DHX38: variants seen among roughly 807,000 people sequenced by gnomAD.
DHX38 encodes DEAH-box helicase 38, also known as pre-mRNA-splicing factor ATP-dependent RNA helicase PRP16.
Under a neutral mutation model 153.1 loss-of-function variants are expected in DHX38, and 100 were observed. The ratio of observed to expected loss-of-function variants is 0.65; its 90% CI spans 0.56 to 0.77. DHX38 has a LOEUF of 0.77. Among genes scored for constraint, DHX38 ranks in the 30% least tolerant of loss-of-function variants. DHX38 has a pLI of 0.00. For missense variants in DHX38, 1,440 were observed against 1,654.0 expected (o/e 0.87, Z 2.24); for synonymous variants, 650 against 631.7 (o/e 1.03, Z -0.43).
At position 72,099,274 on chromosome 16, in the gene DHX38, C is replaced by A. The variant is rs746035585; in HGVS notation, c.954C>A (p.Asp318Glu). ...AGGAGCGGCAGCAGTGGGAAGATGA[C>A]CAGAGGGTAAAGTTTTATACCTCTG... The part of the protein sequence containing the change: ...TEEERQQWED[D>E]QRQADRDWYM... The change falls in exon 7 of 27, where the codon GAC becomes GAA. Residue 318 changes from aspartate (D) to glutamate (E), a missense_variant. Asp to Glu is a conservative substitution (Grantham distance 45). Transcript: ENST00000268482. 1 of 1,610,620 alleles carries A rather than the reference C, an allele frequency of 6.2e-7. No homozygotes were observed.
At chr16:72,099,330 A>C (rs1030574285) in intron 7 of DHX38, 50 bp downstream of exon 7, 2 of 1,500,808 alleles carry the variant, frequency 1.3e-6, no homozygotes, top group Admixed American at 2.0e-5. Flanking sequence ...GGCCGTCTGT[A>C]GATGGGTGAC....
intron 2 of DHX38, 129 bp downstream of exon 2, chr16:72,096,609 C>T (rs1327628543): frequency 8.8e-6 from 13 of 1,472,508 alleles, no homozygotes; most frequent in East Asian, 2.3e-5. Flanking sequence ...TTCTGTAATA[C>T]TGAAGGTAGG....
rs773525208 is a variant in DHX38, at chr16:72,105,583, G to A, written c.2446G>A (p.Gly816Ser). ...NIAETSLTVDGIMFVIDSGYC... is the reference protein window; with the variant it reads ...NIAETSLTVDSIMFVIDSGYC... ...TGCCGAGACGTCTCTCACTGTTGAC[G>A]GCATCATGTTTGTTATCGATTCTGG... The change falls in exon 18 of 27, where the codon GGC (glycine) becomes AGC (serine). Residue 816 changes from glycine to serine, a missense_variant. This residue lies in a region of DHX38 where 543 missense variants were observed against 717.9 expected (regional missense o/e 0.76). Transcript: ENST00000268482. The A allele has an allele frequency of 1.4e-5, 22 of 1,614,064 alleles. No individual in the cohort carries two copies. Among genetic ancestry groups the A allele is most frequent in the Admixed American group, 3.3e-5 (2 of 60,002 alleles).
rs1340636630 is a variant in DHX38 at position 72,107,836 on chromosome 16, T to C, written c.2964+37T>C. 1.2e-6 allele frequency: 2 copies of C among 1,603,766 alleles called. No individual in the cohort carries two copies. The highest frequency in any genetic ancestry group is 1.7e-5 in the Admixed American group (1 of 59,776). Reference sequence around the variant, plus strand: ...GCTGGCTCCCCTCTCCCCGGAGGGCTCGAGGAAGTGTTGGGGAGGGGAATG... The same window carrying C: ...GCTGGCTCCCCTCTCCCCGGAGGGCCCGAGGAAGTGTTGGGGAGGGGAATG... On this transcript the variant is annotated intron_variant, in intron 21 of 26. Coordinates refer to ENST00000268482, the MANE Select transcript of DHX38 (RefSeq NM_014003.4). This position sits in a 1 kb window ranked among gnomAD's most constrained non-coding sequence, Gnocchi z 5.3.
At position 72,103,918 on chromosome 16, in the gene DHX38, G is replaced by A. The variant is rs767079669; in HGVS notation, c.1825-28G>A. The A allele has an allele frequency of 1.5e-5, 24 of 1,610,686 alleles. No homozygotes were observed. In the South Asian group the frequency reaches 2.1e-4, roughly 14 times the overall value. Reference sequence around the variant, plus strand: ...TGCTGGTGGTGAGCCGGTGGCCAGGGCATCTGAGCCATCTCTCTGACCTCC... The same window carrying A: ...TGCTGGTGGTGAGCCGGTGGCCAGGACATCTGAGCCATCTCTCTGACCTCC... On this transcript the variant is annotated intron_variant, in intron 13 of 26. Transcript: ENST00000268482.
Position 72,104,669 on chromosome 16 carries a change from G to A in DHX38, c.2151+43G>A, listed in dbSNP as rs756477422. ...TTACGAACTGACCCTTCCATGCCAC[G>A]CACTTCTCTGATGCGAAGCCGGCTG... On this transcript the variant is annotated intron_variant, in intron 15 of 26. Transcript: ENST00000268482. The surrounding 1 kb of genome is among the most constrained non-coding windows in gnomAD (Gnocchi z 4.5). The A allele has an allele frequency of 9.3e-6, 15 of 1,611,800 alleles. 1 individual carries two copies. Among genetic ancestry groups the A allele is most frequent in the South Asian group, 8.8e-5 (8 of 91,024 alleles).
At position 72,099,774 on chromosome 16, in the gene DHX38, G is replaced by A. The variant is rs2042074147; in HGVS notation, c.1003G>A (p.Glu335Lys). ...GTACATGATGGACGAGGGCTATGACGAGTTCCACAACCCGCTGGCCTACTC... is the reference window on the plus strand; with the variant it reads ...GTACATGATGGACGAGGGCTATGACAAGTTCCACAACCCGCTGGCCTACTC... ...DWYMMDEGYD[E>K]FHNPLAYSSE... The change falls in exon 8 of 27, where the codon GAG becomes AAG. Residue 335 changes from glutamate (E) to lysine (K), a missense_variant. Glu to Lys is a moderately conservative substitution (Grantham distance 56). This residue lies in a region of DHX38 where 483 missense variants were observed against 465.1 expected (regional missense o/e 1.04). Transcript: ENST00000268482. 5 of 1,614,192 alleles carry A rather than the reference G, an allele frequency of 3.1e-6. No individual in the cohort carries two copies. The South Asian group carries it at 3.3e-5, about 11-fold the overall frequency.
rs775609494 is a variant in DHX38, at chr16:72,104,005, G to A, written c.1884G>A (p.Met628Ile). ...CAGAGAACACCTTGATCAAATACATGACTGACGGGATCCTGCTCCGAGAGT... is the reference window on the plus strand; with the variant it reads ...CAGAGAACACCTTGATCAAATACATAACTGACGGGATCCTGCTCCGAGAGT... ...CTSENTLIKY[M>I]TDGILLRESL... The change falls in exon 14 of 27, where the codon ATG (methionine) becomes ATA (isoleucine). Residue 628 changes from methionine (M) to isoleucine (I), a missense_variant. Transcript: ENST00000268482. The surrounding 1 kb of genome is among the most constrained non-coding windows in gnomAD (Gnocchi z 4.5). 1.2e-6 allele frequency: 2 copies of A among 1,614,136 alleles called. No individual in the cohort carries two copies. The highest frequency in any genetic ancestry group is 8.5e-7 in the Non-Finnish European group (1 of 1,180,024).
Position 72,112,480 on chromosome 16 carries a change from G to A in DHX38, c.3667G>A (p.Ala1223Thr), listed in dbSNP as rs1462749544. ...GEPMTPRRTP[A>T]RFGL ...GCCCATGACCCCTCGCCGCACGCCA[G>A]CCCGCTTTGGTCTGTGAGCTGAGGC... Residue 1223 changes from alanine to threonine, a missense_variant, in exon 27 of 27, where the codon GCC becomes ACC. Physicochemically the swap from Ala to Thr is moderately conservative, Grantham distance 58. Coordinates refer to ENST00000268482, the MANE Select transcript of DHX38 (RefSeq NM_014003.4). The A allele has an allele frequency of 6.2e-7, 1 of 1,612,164 alleles. No individual in the cohort carries two copies. The highest frequency in any genetic ancestry group is 1.1e-5 in the South Asian group (1 of 91,086).
At chr16:72,099,134 C>T in intron 6 of DHX38, 70 bp from the exon 7 acceptor site, 2 of 1,595,154 alleles carry the variant, frequency 1.3e-6, no homozygotes, top group Non-Finnish European at 1.7e-6. Flanking sequence ...CTGCATGGCC[C>T]TGCAGATCTG....
rs777969746 is a variant in DHX38 at position 72,106,057 on chromosome 16, A to G, written c.2540A>G (p.Gln847Arg). Residue 847 changes from glutamine (Q) to arginine (R), a missense_variant, in exon 19 of 27, where the codon CAG (glutamine) becomes CGG (arginine). By Grantham distance (43) the Gln-to-Arg change is conservative. Transcript: ENST00000268482. ...MDALQIYPISQANANQRSGRA... is the reference protein window; with the variant it reads ...MDALQIYPISRANANQRSGRA... ...GCTCTGCAGATCTATCCCATTAGCC[A>G]GGCCAATGCCAACCAGCGGTCAGGG... The G allele has an allele frequency of 6.2e-7, 1 of 1,614,234 alleles. No homozygotes were observed. The highest frequency in any genetic ancestry group is 1.7e-5 in the Admixed American group (1 of 60,034).
chr16:72,105,812 A>G (rs1253285483), intron 18 of DHX38, among the ~76,000 whole-genome samples, 188 bp downstream of exon 18: 3 of 152,144 alleles, frequency 2.0e-5, no homozygotes, highest in Non-Finnish European at 4.4e-5. Context: ...TCGATGAGGT[A>G]GATAATTTAA....
At chr16:72,099,426 C>CGGCA in intron 7 of DHX38, 146 bp downstream of exon 7, 1 of 775,364 alleles carries the variant, frequency 1.3e-6, no homozygotes, top group Non-Finnish European at 2.0e-6. Context: ...GAGGCATAGA[C>CGGCA]GGCACGGTGA....
At chr16:72,101,037 C>A (rs753286650) in intron 9 of DHX38, 49 bp from the exon 10 acceptor site, 1 of 1,563,924 alleles carries the variant, frequency 6.4e-7, no homozygotes, top group Non-Finnish European at 8.8e-7. Flanking sequence ...ATGAACATGG[C>A]CTTCTTGCTG....
At position 72,108,568 on chromosome 16, in the gene DHX38, C is replaced by T. The variant is rs764530124; in HGVS notation, c.3216C>T (p.Cys1072=). The T allele has an allele frequency of 1.4e-5, 23 of 1,614,022 alleles. No homozygotes were observed. The Admixed American group carries it at 3.5e-4, about 25-fold the overall frequency. The change falls in exon 23 of 27, where the codon TGC becomes TGT. Residue 1072 remains cysteine (C), a synonymous_variant. Coordinates refer to ENST00000268482, the MANE Select transcript of DHX38 (RefSeq NM_014003.4). ...CTGACTGGGACATCGTCAGGAAGTG[C>T]ATCTGTGCTGCCTATTTCCACCAAG... is the stretch of plus-strand genomic sequence containing the variant. ...CGTDWDIVRK[C]ICAAYFHQAA... is the part of the protein sequence containing the mutation.
In DHX38 at chr16:72,098,633, T is replaced by C; in HGVS notation, c.617-12T>C. ...TGAGATGTTTCCTGTGGATGTGTCT[T>C]TTGTGGCCCAGATGCAGCCACCCCT... is the stretch of plus-strand genomic sequence containing the variant. On this transcript the variant is annotated splice_polypyrimidine_tract_variant and intron_variant, in intron 4 of 26. Coordinates refer to ENST00000268482, the MANE Select transcript of DHX38 (RefSeq NM_014003.4). 6.2e-7 allele frequency: 1 copy of C among 1,613,274 alleles called. No homozygotes were observed. The highest frequency in any genetic ancestry group is 8.5e-7 in the Non-Finnish European group (1 of 1,179,332).
chr16:72,112,852 G>A lies in DHX38; in HGVS notation c.*355G>A, dbSNP rs1264451824. The A allele has an allele frequency of 5.7e-6, 4 of 701,490 alleles. No individual in the cohort carries two copies. The Admixed American group carries it at 8.0e-5, about 14-fold the overall frequency. The allele number at this position is 701,490 out of a possible 1,614,324, so 43.5% of individuals were successfully genotyped here. A position where few individuals can be genotyped will look rare whatever the true frequency, so the allele number is the denominator to read the frequency against. On this transcript the variant is annotated 3_prime_UTR_variant, in exon 27 of 27. Transcript: ENST00000268482. ...GTAAAGCAGCAAAAAAGACCTAAAG[G>A]GAATTGTAATTTGGTTATAATTCAG...
At position 72,096,317 on chromosome 16, in the gene DHX38, C is replaced by A. The variant is rs1161507548; in HGVS notation, c.160C>A (p.Leu54Met). 1.2e-6 allele frequency: 2 copies of A among 1,614,182 alleles called. No individual in the cohort carries two copies. The highest frequency in any genetic ancestry group is 1.7e-6 in the Non-Finnish European group (2 of 1,180,016). The change falls in exon 2 of 27, where the codon CTG becomes ATG. Residue 54 changes from leucine to methionine, a missense_variant. Leu to Met is a conservative substitution (Grantham distance 15). Around this residue, in one of 6 missense-constraint regions of DHX38, gnomAD observed 483 missense variants for 465.1 expected, o/e 1.04. Transcript: ENST00000268482. ...PRPSLLGLDL[L>M]ASLKRREREE... ...CCCTTCATTACTCGGACTGGACTTG[C>A]TGGCTTCCCTGAAACGGAGAGAGCG...
intron 26 of DHX38, 92 bp downstream of exon 26, chr16:72,111,169 G>T: frequency 1.4e-6 from 2 of 1,445,932 alleles, no homozygotes; most frequent in South Asian, 2.9e-5. Context: ...GGATTTATGG[G>T]AAGGTGCATG....
Sources: allele counts gnomAD v4.1 joint callset (sites outside exome capture counted in the v4.1 genomes callset), GRCh38; gene constraint gnomAD v4.1.1; regional missense constraint gnomAD v4.1.1; non-coding constraint Gnocchi (gnomAD v3.1); transcripts MANE v1.5; gene names NCBI Gene and HGNC (gene_info 2026-07-23, HGNC 2026-07-21).